NCALD: variants seen among roughly 807,000 people sequenced by gnomAD.
NCALD encodes neurocalcin-delta.
A neutral mutation model predicts 18.6 loss-of-function variants in NCALD; 10 were observed. The observed-to-expected ratio is 0.54, with a 90% CI of 0.33 to 0.91. NCALD has a LOEUF of 0.91. Among genes scored for constraint, NCALD ranks in the 40% least tolerant of loss-of-function variants. NCALD has a pLI of 0.03. For synonymous variants in NCALD, 88 were observed against 87.4 expected, an observed-to-expected ratio of 1.01 and a Z score of -0.04; for missense variants, 184 against 247.6, an observed-to-expected ratio of 0.74 and a Z score of 1.72.
intron 2 of NCALD, among the ~76,000 whole-genome samples, chr8:101,703,152 C>CTTT (rs11447285): frequency 1.4e-5 from 2 of 147,664 alleles, no homozygotes; most frequent in Admixed American, 6.8e-5. Context: ...CTCTGTTCCT[C>CTTT]TTTTTTTTTT....
chr8:101,975,514 A>G (rs6999047), intron 2 of NCALD, among the ~76,000 whole-genome samples: 60,516 of 152,070 alleles, frequency 0.4, 12,251 homozygotes, highest in South Asian at 0.45. Flanking sequence ...GCCTTGCTCT[A>G]TTGGAAAATG....
chr8:101,887,430 A>G (rs2131488563), intron 3 of NCALD, among the ~76,000 whole-genome samples: 1 of 152,316 alleles, frequency 6.6e-6, no homozygotes, highest in Middle Eastern at 3.4e-3. Flanking sequence ...TAACCCAGGA[A>G]TAACAGGCAC....
rs542450380 is a variant in NCALD at position 101,765,175 on chromosome 8, G to A, written c.-20+25687C>T. ...CTATACACGGCACTCCAGGCAAACA[G>A]AACTTACATCACATCCAAGGAGGGG... On this transcript the variant is annotated intron_variant, in intron 1 of 3. Transcript: ENST00000220931. Among the ~76,000 whole-genome samples the A allele has an allele frequency of 9.7e-4, 147 of 152,288 alleles. 1 individual carries two copies. Among genetic ancestry groups the A allele is most frequent in the African/African-American group, 3.0e-3 (125 of 41,558 alleles).
intron 2 of NCALD, among the ~76,000 whole-genome samples, chr8:101,976,892 C>T (rs560538939): frequency 3.3e-5 from 5 of 152,000 alleles, no homozygotes; most frequent in Non-Finnish European, 7.4e-5. Flanking sequence ...AACACAGACA[C>T]TATGAGAGCA....
chr8:101,844,146 T>G (rs1814767337), intron 4 of NCALD, among the ~76,000 whole-genome samples: 1 of 152,170 alleles, frequency 6.6e-6, no homozygotes, highest in African/African-American at 2.4e-5. Flanking sequence ...GCCAAGAGAA[T>G]TCAAGCACCT....
At chr8:101,785,541 G>T (rs79182295) in intron 1 of NCALD, among the ~76,000 whole-genome samples, 5,427 of 152,152 alleles carry the variant, frequency 0.036, 142 homozygotes, top group African/African-American at 0.075. Flanking sequence ...AGAGCCCTTC[G>T]CCCAATCCTG....
intron 2 of NCALD, among the ~76,000 whole-genome samples, chr8:101,985,848 T>A (rs1820786951): frequency 6.6e-6 from 1 of 152,180 alleles, no homozygotes; most frequent in African/African-American, 2.4e-5. Context: ...TTAATAACAT[T>A]CAAGGAGTAA....
At chr8:102,056,468 TAATACATGC>T (rs1327381329) in intron 1 of NCALD, among the ~76,000 whole-genome samples, 1 of 152,258 alleles carries the variant, frequency 6.6e-6, no homozygotes, top group Non-Finnish European at 1.5e-5. Flanking sequence ...TAGTAATAAC[TAATACATGC>T]AGTCAGTGTA....
chr8:101,778,165 T>C (rs1811870640), intron 1 of NCALD, among the ~76,000 whole-genome samples: 1 of 152,226 alleles, frequency 6.6e-6, no homozygotes, highest in East Asian at 1.9e-4. Flanking sequence ...CCTGTCTGCT[T>C]CCCACTGTCA....
At chr8:101,697,258 C>A (rs1563664236) in intron 2 of NCALD, among the ~76,000 whole-genome samples, 1 of 152,108 alleles carries the variant, frequency 6.6e-6, no homozygotes, top group East Asian at 1.9e-4. Context: ...GAAGTTAAAT[C>A]CCTGAATAGA....
At chr8:102,035,991 TAGA>T (rs1822849157) in intron 1 of NCALD, among the ~76,000 whole-genome samples, 1 of 152,006 alleles carries the variant, frequency 6.6e-6, no homozygotes, top group Non-Finnish European at 1.5e-5. Flanking sequence ...ATATCTCTAG[TAGA>T]AGATCAGAAG....
intron 1 of NCALD, among the ~76,000 whole-genome samples, chr8:102,079,151 G>A (rs181420282): frequency 6.6e-6 from 1 of 152,320 alleles, no homozygotes; most frequent in East Asian, 1.9e-4. Context: ...CTGTGTTTGG[G>A]AGTTCGCTGT....
At chr8:101,809,867 G>A (rs1586557272) in intron 4 of NCALD, among the ~76,000 whole-genome samples, 2 of 152,074 alleles carry the variant, frequency 1.3e-5, no homozygotes, top group South Asian at 4.1e-4. Flanking sequence ...TTTAAAGATT[G>A]TTTCAAGACC....
At position 101,719,668 on chromosome 8, in the gene NCALD, CAT is replaced by C. The variant is rs756733006; in HGVS notation, c.-19-22_-19-21del. Reference sequence around the variant, plus strand: ...ATTCAGCTGCAGATAGAAAAGAAAACATATATAATTTGTAGAGCTGCTCTTTA... The same window carrying C: ...ATTCAGCTGCAGATAGAAAAGAAAACATATAATTTGTAGAGCTGCTCTTTA... On this transcript the variant is annotated intron_variant, in intron 1 of 3. Transcript: ENST00000220931. The C allele has an allele frequency of 1.0e-5, 16 of 1,528,904 alleles. 1 individual carries two copies. The South Asian group carries it at 1.8e-4, about 18-fold the overall frequency. The allele number at this position is 1,528,904 out of a possible 1,614,324, so 94.7% of individuals were successfully genotyped here.
intron 1 of NCALD, among the ~76,000 whole-genome samples, chr8:102,078,376 G>C (rs757264474): frequency 6.6e-6 from 1 of 152,080 alleles, no homozygotes; most frequent in Non-Finnish European, 1.5e-5. Flanking sequence ...TTTTCACACA[G>C]CCACCACAGT....
chr8:101,941,646 G>A (rs1253959745), intron 2 of NCALD, among the ~76,000 whole-genome samples: 2 of 152,076 alleles, frequency 1.3e-5, no homozygotes, highest in Non-Finnish European at 2.9e-5. Flanking sequence ...TGACAAACAA[G>A]GACTCATATT....
intron 2 of NCALD, among the ~76,000 whole-genome samples, chr8:101,920,068 A>G (rs1436055013): frequency 4.6e-5 from 7 of 152,066 alleles, no homozygotes. Flanking sequence ...ACCAGCCTGA[A>G]CAACATGGCA....
chr8:102,005,231 A>G (rs960847085), intron 2 of NCALD, among the ~76,000 whole-genome samples: 1 of 152,184 alleles, frequency 6.6e-6, no homozygotes, highest in Non-Finnish European at 1.5e-5. Flanking sequence ...TGAACAGACA[A>G]TTCTCAAAAG....
Position 101,917,743 on chromosome 8 carries a change from G to A in NCALD, c.-156-1885C>T, listed in dbSNP as rs188004689. ...ATTTAGAGAAAATGGGTAAATTCCT[G>A]GAAACACACAACTTCCTAAGGCTGA... is the stretch of plus-strand genomic sequence containing the variant. On this transcript the variant is annotated intron_variant, in intron 2 of 6. Transcript: ENST00000311028. Among the ~76,000 whole-genome samples the A allele has an allele frequency of 5.9e-5, 9 of 152,062 alleles. No individual in the cohort carries two copies. The East Asian group carries it at 1.7e-3, about 29-fold the overall frequency.
Sources: allele counts gnomAD v4.1 joint callset (sites outside exome capture counted in the v4.1 genomes callset), GRCh38; gene constraint gnomAD v4.1.1; transcripts MANE v1.5; gene names NCBI Gene and HGNC (gene_info 2026-07-23, HGNC 2026-07-21).